ADGRL3: variants seen among roughly 807,000 people sequenced by gnomAD.
ADGRL3 encodes the protein adhesion G protein-coupled receptor L3, also known as calcium-independent alpha-latrotoxin receptor 3.
ADGRL3 carries 62 observed loss-of-function variants against 153.5 expected under a neutral mutation model. That is an observed-to-expected ratio of 0.40 (90% CI 0.33 to 0.50). ADGRL3 has a LOEUF of 0.50. ADGRL3 is among the 20% of genes least tolerant of loss of function. The pLI is 0.47. For synonymous variants in ADGRL3, 710 were observed against 672.5 expected (o/e 1.06, Z -0.86); for missense variants, 1,641 against 1,859.4 (o/e 0.88, Z 2.16).
chr4:61,765,977 G>C lies in ADGRL3; in HGVS notation c.1399+32423G>C, dbSNP rs537486961. Among the ~76,000 whole-genome samples, 421 of 152,286 alleles carry C rather than the reference G, an allele frequency of 2.8e-3. 4 individuals carry two copies. Among genetic ancestry groups the C allele is most frequent in the African/African-American group, 9.6e-3 (400 of 41,534 alleles). On this transcript the variant is annotated intron_variant, in intron 8 of 26. Coordinates refer to ENST00000683033, the MANE Select transcript of ADGRL3 (RefSeq NM_001387552.1). Reference sequence around the variant, plus strand: ...ATGAGAGGTTCTAAGAGGCGGGCTAGTGGCTTGTACTATAGCATCATCTGC... The same window carrying C: ...ATGAGAGGTTCTAAGAGGCGGGCTACTGGCTTGTACTATAGCATCATCTGC...
rs150269912 is a variant in ADGRL3, at chr4:61,242,791, G to A, written c.-240+41026G>A. Among the ~76,000 whole-genome samples, 13 of 152,080 alleles carry A rather than the reference G, an allele frequency of 8.5e-5. No individual in the cohort carries two copies. The East Asian group carries it at 2.3e-3, about 27-fold the overall frequency. On this transcript the variant is annotated intron_variant, in intron 1 of 26. Transcript: ENST00000683033. Reference sequence around the variant, plus strand: ...TAAATAGAATATATGTGATGATTTCGTTTTTACAGACTGTCGTTTTCTTCA... The same window carrying A: ...TAAATAGAATATATGTGATGATTTCATTTTTACAGACTGTCGTTTTCTTCA...
chr4:61,607,498 G>A (rs1487403698), intron 5 of ADGRL3, among the ~76,000 whole-genome samples: 6 of 152,104 alleles, frequency 3.9e-5, no homozygotes, highest in African/African-American at 1.2e-4. Flanking sequence ...TACTCAGGAC[G>A]CTGAAGCAGA....
At chr4:61,409,283 T>G (rs998550117) in intron 2 of ADGRL3, among the ~76,000 whole-genome samples, 1 of 138,762 alleles carries the variant, frequency 7.2e-6, no homozygotes, top group Non-Finnish European at 1.5e-5. Context: ...ATAATATATA[T>G]TATATATATT....
chr4:61,985,391 G>A (rs1047581454), intron 19 of ADGRL3, among the ~76,000 whole-genome samples: 1 of 152,056 alleles, frequency 6.6e-6, no homozygotes, highest in African/African-American at 2.4e-5. Context: ...GAGTGAATAG[G>A]TGAGGTCATG....
chr4:61,221,341 G>A (rs1296644002), intron 1 of ADGRL3, among the ~76,000 whole-genome samples: 1 of 152,180 alleles, frequency 6.6e-6, no homozygotes, highest in African/African-American at 2.4e-5. Flanking sequence ...CTAGGACTCA[G>A]TGTGTCTTTA....
intron 18 of ADGRL3, among the ~76,000 whole-genome samples, chr4:61,980,314 T>TTTTTTTTC (rs2099063555): frequency 3.4e-5 from 5 of 147,840 alleles, no homozygotes; most frequent in Middle Eastern, 3.2e-3. Flanking sequence ...TAATTTTTTT[T>TTTTTTTTC]TTTTTTTTTT....
intron 4 of ADGRL3, among the ~76,000 whole-genome samples, chr4:61,522,439 ACT>A (rs2098536971): frequency 6.6e-6 from 1 of 152,124 alleles, no homozygotes; most frequent in Non-Finnish European, 1.5e-5. Context: ...ATTGATTAAG[ACT>A]CTTGAAAATA....
intron 8 of ADGRL3, among the ~76,000 whole-genome samples, chr4:61,752,100 G>A (rs2096764334): frequency 1.3e-5 from 2 of 152,114 alleles, no homozygotes; most frequent in Admixed American, 1.3e-4. Flanking sequence ...ATAACCACTT[G>A]GAGAGCAATT....
chr4:61,856,446 C>A (rs1394679302), intron 9 of ADGRL3, among the ~76,000 whole-genome samples: 1 of 142,242 alleles, frequency 7.0e-6, no homozygotes, highest in Non-Finnish European at 1.5e-5. Flanking sequence ...TTCCTTCCTT[C>A]CTTTTTTCTT....
intron 17 of ADGRL3, among the ~76,000 whole-genome samples, chr4:61,955,073 T>C (rs2098961205): frequency 6.6e-6 from 1 of 152,198 alleles, no homozygotes; most frequent in Non-Finnish European, 1.5e-5. Context: ...TTCAATAACA[T>C]TACATTTTGT....
At chr4:61,847,972 TAA>T (rs1491365131) in intron 9 of ADGRL3, among the ~76,000 whole-genome samples, 1 of 14,752 alleles carries the variant, frequency 6.8e-5, no homozygotes, top group South Asian at 2.4e-3. Flanking sequence ...ATTATATATA[TAA>T]TATAAAATAT....
intron 5 of ADGRL3, among the ~76,000 whole-genome samples, chr4:61,608,695 T>A (rs2149646093): frequency 6.6e-6 from 1 of 152,328 alleles, no homozygotes; most frequent in East Asian, 1.9e-4. Context: ...TCTGTTTTCT[T>A]TTTTGGGACA....
chr4:61,280,578 C>T (rs948218468), intron 1 of ADGRL3, among the ~76,000 whole-genome samples: 12 of 151,576 alleles, frequency 7.9e-5, no homozygotes, highest in African/African-American at 2.9e-4. Context: ...ATTTCCTTCC[C>T]CAATGATAGT....
chr4:61,441,677 G>A (rs2097530471), intron 2 of ADGRL3, among the ~76,000 whole-genome samples: 1 of 151,968 alleles, frequency 6.6e-6, no homozygotes, highest in African/African-American at 2.4e-5. Flanking sequence ...ATGCCGCTAC[G>A]CCTGGCTAAT....
intron 6 of ADGRL3, among the ~76,000 whole-genome samples, chr4:61,710,062 C>A (rs1046034382): frequency 5.9e-5 from 9 of 152,134 alleles, no homozygotes; most frequent in Non-Finnish European, 1.0e-4. Context: ...AATTATTTAA[C>A]AGAAGTTACT....
intron 9 of ADGRL3, among the ~76,000 whole-genome samples, chr4:61,851,412 G>A (rs140059301): frequency 6.6e-6 from 1 of 151,608 alleles, no homozygotes; most frequent in Non-Finnish European, 1.5e-5. Flanking sequence ...CATAACGAGA[G>A]ACCTTCTCTC....
intron 8 of ADGRL3, among the ~76,000 whole-genome samples, chr4:61,740,928 C>T: frequency 6.6e-6 from 1 of 152,172 alleles, no homozygotes; most frequent in Non-Finnish European, 1.5e-5. Flanking sequence ...AAAGCCTACA[C>T]ATAACAGTTT....
chr4:61,802,930 C>T (rs2097515913), intron 8 of ADGRL3, among the ~76,000 whole-genome samples: 1 of 152,050 alleles, frequency 6.6e-6, no homozygotes, highest in Admixed American at 6.6e-5. Context: ...ATTACCACCT[C>T]TAATCCCACA....
At chr4:61,411,221 C>A (rs1419609851) in intron 2 of ADGRL3, among the ~76,000 whole-genome samples, 1 of 151,630 alleles carries the variant, frequency 6.6e-6, no homozygotes, top group African/African-American at 2.4e-5. Context: ...ATTCAGTGAT[C>A]ATGTCTCTTC....
Sources: allele counts gnomAD v4.1 joint callset (sites outside exome capture counted in the v4.1 genomes callset), GRCh38; gene constraint gnomAD v4.1.1; transcripts MANE v1.5; gene names NCBI Gene and HGNC (gene_info 2026-07-23, HGNC 2026-07-21).